The following GALNT13 variants were observed in gnomAD, a reference collection of about 807,000 sequenced individuals.
GALNT13 encodes the protein UDP-GalNAc:polypeptide N-acetylgalactosaminyltransferase 13.
GALNT13 carries 28 observed loss-of-function variants against 64.2 expected under a neutral mutation model. The observed-to-expected ratio is 0.44, with a 90% confidence interval of 0.32 to 0.60. The LOEUF is 0.60. Ranked by LOEUF, GALNT13 falls within the 20% of genes least tolerant of loss-of-function variation. The probability of loss-of-function intolerance (pLI) is 0.05; values close to 1 mark genes in which losing one functional copy is unlikely to be tolerated. For synonymous variants in GALNT13, 214 were observed against 224.6 expected, an observed-to-expected ratio of 0.95 and a Z score of 0.42; for missense variants, 577 against 669.8, an observed-to-expected ratio of 0.86 and a Z score of 1.53.
the GALNT13 span, among the ~76,000 whole-genome samples, chr2:153,564,106 TGGTG>T: frequency 6.6e-6 from 1 of 152,124 alleles, no homozygotes; most frequent in Admixed American, 6.5e-5. Flanking sequence ...ATCCTGCTAG[TGGTG>T]GAATGACACC....
the GALNT13 span, among the ~76,000 whole-genome samples, chr2:153,410,926 G>C: frequency 6.6e-6 from 1 of 151,722 alleles, no homozygotes; most frequent in Admixed American, 6.6e-5. Flanking sequence ...GTCCAGGCTG[G>C]AGTGCAATGT....
downstream of GALNT13, among the ~76,000 whole-genome samples, chr2:154,454,005 G>T (rs1436847942): frequency 6.6e-6 from 1 of 151,966 alleles, no homozygotes; most frequent in Non-Finnish European, 1.5e-5. Context: ...AGCTAAAAAT[G>T]GTTTTTATTT....
At chr2:153,386,228 G>C in the GALNT13 span, among the ~76,000 whole-genome samples, 4 of 151,936 alleles carry the variant, frequency 2.6e-5, no homozygotes, top group Non-Finnish European at 5.9e-5. Context: ...TAAACTAATT[G>C]ACTTAAACTA....
the GALNT13 span, among the ~76,000 whole-genome samples, chr2:153,564,594 GT>G: frequency 3.8e-3 from 540 of 142,036 alleles, 2 homozygotes; most frequent in South Asian, 9.0e-3. Flanking sequence ...ATGAGGATTA[GT>G]TTTTTTTTTT....
the GALNT13 span, among the ~76,000 whole-genome samples, chr2:153,814,482 TAAATA>T: frequency 6.9e-6 from 1 of 144,000 alleles, no homozygotes; most frequent in Non-Finnish European, 1.6e-5. Context: ...AATAAATAAA[TAAATA>T]AATAAATAAA....
At chr2:154,394,563 T>G (rs707053) in intron 9 of GALNT13, among the ~76,000 whole-genome samples, 25 of 152,342 alleles carry the variant, frequency 1.6e-4, no homozygotes, top group Admixed American at 3.9e-4. Flanking sequence ...AGGCACAATG[T>G]CATCTCTTTA....
At chr2:153,400,463 T>G in the GALNT13 span, among the ~76,000 whole-genome samples, 1 of 152,342 alleles carries the variant, frequency 6.6e-6, no homozygotes, top group East Asian at 1.9e-4. Context: ...GAGGATTCCC[T>G]CTTTTTCTGT....
chr2:153,691,995 T>C, the GALNT13 span, among the ~76,000 whole-genome samples: 9 of 152,224 alleles, frequency 5.9e-5, no homozygotes, highest in East Asian at 1.5e-3. Context: ...TTGGAGAACA[T>C]TGGCTAAATG....
chr2:154,282,536 A>G (rs542550796), intron 8 of GALNT13, among the ~76,000 whole-genome samples: 2 of 152,288 alleles, frequency 1.3e-5, no homozygotes, highest in East Asian at 3.9e-4. Flanking sequence ...ACACAAAGCC[A>G]TCATCAACCT....
the GALNT13 span, among the ~76,000 whole-genome samples, chr2:153,163,890 C>T: frequency 7.2e-5 from 11 of 151,888 alleles, no homozygotes; most frequent in East Asian, 5.9e-4. Context: ...TGGTGGCGGG[C>T]GCCTGTAGTC....
the GALNT13 span, among the ~76,000 whole-genome samples, chr2:153,257,357 C>T: frequency 6.6e-6 from 1 of 152,060 alleles, no homozygotes; most frequent in Non-Finnish European, 1.5e-5. Context: ...CTGTCTGGCA[C>T]TCCCTAGTGA....
chr2:153,485,489 T>A, the GALNT13 span, among the ~76,000 whole-genome samples: 5 of 152,238 alleles, frequency 3.3e-5, no homozygotes, highest in African/African-American at 1.2e-4. Flanking sequence ...GGTATTTATG[T>A]GTAAGATAGG....
chr2:154,142,589 A>T (rs1034535790), intron 4 of GALNT13, among the ~76,000 whole-genome samples: 4 of 151,436 alleles, frequency 2.6e-5, no homozygotes, highest in Non-Finnish European at 4.4e-5. Flanking sequence ...GAAAAGAAAA[A>T]AGAAAACCCT....
In GALNT13 at chr2:154,117,117, A is replaced by G. The variant is rs145882598; in HGVS notation, c.143-23220A>G. ...CTTTTCACATTTTTCTGCCTGCTTT[A>G]TATTCTAGCCACACTGGCAACTGAT... On this transcript the variant is annotated intron_variant, in intron 3 of 12. Transcript: ENST00000392825. 2.4e-3 allele frequency among the ~76,000 whole-genome samples: 366 copies of G among 152,124 alleles called. 8 individuals carry two copies. In the East Asian group the frequency reaches 0.055, roughly 23 times the overall value.
the GALNT13 span, among the ~76,000 whole-genome samples, chr2:153,137,164 A>T: frequency 3.7e-3 from 562 of 152,252 alleles, 4 homozygotes; most frequent in South Asian, 0.018. Context: ...TAAAGTTCAA[A>T]ATTTTAGGCT....
the GALNT13 span, among the ~76,000 whole-genome samples, chr2:153,346,312 A>T: frequency 6.6e-6 from 1 of 151,918 alleles, no homozygotes; most frequent in African/African-American, 2.4e-5. Context: ...CCTCTCCTCC[A>T]CTGTTCATTT....
chr2:153,256,345 G>T, the GALNT13 span, among the ~76,000 whole-genome samples: 1 of 152,100 alleles, frequency 6.6e-6, no homozygotes, highest in African/African-American at 2.4e-5. Context: ...TCTCTGTATC[G>T]GTTAGTCTAG....
intron 9 of GALNT13, among the ~76,000 whole-genome samples, chr2:154,382,288 C>T (rs927880874): frequency 3.9e-5 from 6 of 152,008 alleles, no homozygotes; most frequent in Admixed American, 3.3e-4. Context: ...TAACAGAGAA[C>T]TAGACTATTA....
the GALNT13 span, among the ~76,000 whole-genome samples, chr2:153,144,996 T>A: frequency 6.6e-6 from 1 of 151,978 alleles, no homozygotes; most frequent in African/African-American, 2.4e-5. Flanking sequence ...ATTATTCTTA[T>A]AATTAATGAT....
Sources: gnomAD v4.1 joint callset for allele counts (sites outside exome capture counted in the v4.1 genomes callset) on GRCh38, gnomAD v4.1.1 for gene constraint, MANE v1.5 for transcripts, NCBI Gene and HGNC (gene_info 2026-07-23, HGNC 2026-07-21) for gene names.